The following DLG2 variants were observed in gnomAD, a reference collection of about 807,000 sequenced individuals.
The protein encoded by DLG2 is disks large homolog 2.
Under a neutral mutation model 132.5 loss-of-function variants are expected in DLG2, and 45 were observed. The observed-to-expected ratio is 0.34, with a 90% CI of 0.27 to 0.44. The LOEUF (loss-of-function observed/expected upper bound fraction) is 0.44. Among genes scored for constraint, DLG2 ranks in the 20% least tolerant of loss-of-function variants. The pLI is 1.00. For synonymous variants in DLG2, 424 were observed against 419.6 expected, an observed-to-expected ratio of 1.01 and a Z score of -0.13; for missense variants, 1,045 against 1,196.9, an observed-to-expected ratio of 0.87 and a Z score of 1.87.
At chr11:84,044,763 C>T (rs1402154037) in intron 11 of DLG2, among the ~76,000 whole-genome samples, 1 of 151,720 alleles carries the variant, frequency 6.6e-6, no homozygotes, top group Non-Finnish European at 1.5e-5. Flanking sequence ...GTTTCAACTA[C>T]TCTTTGAAAA....
intron 8 of DLG2, among the ~76,000 whole-genome samples, chr11:84,239,560 T>A (rs1390715270): frequency 1.3e-5 from 2 of 152,086 alleles, no homozygotes; most frequent in African/African-American, 4.8e-5. Flanking sequence ...TAGAGAGGAA[T>A]ATGGTAAATA....
intron 9 of DLG2, among the ~76,000 whole-genome samples, chr11:84,138,153 T>C (rs981266660): frequency 6.6e-6 from 1 of 152,212 alleles, no homozygotes; most frequent in African/African-American, 2.4e-5. Context: ...AATCTTATAC[T>C]AGTTACTTAA....
At chr11:83,460,999 GTTTTTTTTTTTTTTT>G (rs10591072) in intron 27 of DLG2, among the ~76,000 whole-genome samples, 1 of 107,072 alleles carries the variant, frequency 9.3e-6, no homozygotes, top group Non-Finnish European at 1.9e-5. Context: ...AAGTTCTTGG[GTTTTTTTTTTTTTTT>G]TTTTTTTTTT....
chr11:85,190,719 A>T (rs2080458928), intron 4 of DLG2, among the ~76,000 whole-genome samples: 1 of 151,502 alleles, frequency 6.6e-6, no homozygotes, highest in South Asian at 2.1e-4. Context: ...TCTGTTATGA[A>T]CACCCCTATG....
At chr11:83,554,472 C>A (rs631277) in intron 19 of DLG2, among the ~76,000 whole-genome samples, 71,896 of 151,878 alleles carry the variant, frequency 0.47, 17,580 homozygotes, top group Admixed American at 0.57. Flanking sequence ...TGTAAAACTC[C>A]TATATCAGGG....
chr11:85,502,099 T>C (rs1332417886), intron 3 of DLG2, among the ~76,000 whole-genome samples: 3 of 151,338 alleles, frequency 2.0e-5, no homozygotes, highest in African/African-American at 7.3e-5. Flanking sequence ...TAAAAAAGGA[T>C]GAGTTAATGT....
At chr11:85,016,087 A>T (rs2059553875) in intron 6 of DLG2, among the ~76,000 whole-genome samples, 1 of 152,180 alleles carries the variant, frequency 6.6e-6, no homozygotes, top group Admixed American at 6.6e-5. Context: ...CGTCATTGTC[A>T]AATCCCCATG....
intron 11 of DLG2, among the ~76,000 whole-genome samples, chr11:84,033,534 G>T (rs548143589): frequency 6.6e-6 from 1 of 152,316 alleles, no homozygotes; most frequent in Admixed American, 6.5e-5. Flanking sequence ...GTGAAGATGT[G>T]AATATTGTTG....
At chr11:83,515,363 C>T (rs893445249) in intron 21 of DLG2, among the ~76,000 whole-genome samples, 20 of 152,052 alleles carry the variant, frequency 1.3e-4, no homozygotes, top group South Asian at 2.1e-4. Flanking sequence ...TCTGTGGGAT[C>T]GGTGGTGATA....
At chr11:83,694,925 G>T (rs2081616409) in intron 18 of DLG2, among the ~76,000 whole-genome samples, 1 of 152,206 alleles carries the variant, frequency 6.6e-6, no homozygotes, top group South Asian at 2.1e-4. Flanking sequence ...CAGTGGGAAG[G>T]CAGTGGCAAA....
intron 18 of DLG2, among the ~76,000 whole-genome samples, chr11:83,655,354 T>C (rs1315637469): frequency 6.6e-6 from 1 of 152,168 alleles, no homozygotes; most frequent in Non-Finnish European, 1.5e-5. Flanking sequence ...ATTGGAATCA[T>C]TGTGGAGATT....
intron 18 of DLG2, among the ~76,000 whole-genome samples, chr11:83,765,848 T>C (rs892523264): frequency 6.6e-6 from 1 of 152,178 alleles, no homozygotes; most frequent in East Asian, 1.9e-4. Context: ...GGTATTAGAA[T>C]TGCTACCCAA....
rs5793072 is a variant in DLG2 at position 83,564,102 on chromosome 11, GT to G, written c.1941-22245del. On this transcript the variant is annotated intron_variant, in intron 19 of 27. Coordinates refer to ENST00000376104, the MANE Select transcript of DLG2 (RefSeq NM_001142699.3). Reference sequence around the variant, plus strand: ...GTAATATAAACCTAATTTTTCATGTGTTTTTTTTTTTGTTTTCTATGATAAA... The same window carrying G: ...GTAATATAAACCTAATTTTTCATGTGTTTTTTTTTTGTTTTCTATGATAAA... Among the ~76,000 whole-genome samples, 269 of 146,370 alleles carry G rather than the reference GT, an allele frequency of 1.8e-3. 2 individuals are homozygous for G. The highest frequency in any genetic ancestry group is 0.014 in the Middle Eastern group (4 of 284).
chr11:84,714,623 TTCTCTC>T (rs1284319609), intron 6 of DLG2, among the ~76,000 whole-genome samples: 30 of 105,040 alleles, frequency 2.9e-4, no homozygotes, highest in Non-Finnish European at 3.9e-4. Context: ...CTCTTTCTCT[TTCTCTC>T]TCTCTCTCTC....
intron 16 of DLG2, among the ~76,000 whole-genome samples, chr11:83,850,412 C>G (rs1360118182): frequency 6.6e-6 from 1 of 152,140 alleles, no homozygotes; most frequent in South Asian, 2.1e-4. Context: ...CTCTGCCTCC[C>G]AAAGTGCTGG....
At chr11:85,264,935 G>A (rs1160529329) in intron 4 of DLG2, among the ~76,000 whole-genome samples, 1 of 152,164 alleles carries the variant, frequency 6.6e-6, no homozygotes, top group Non-Finnish European at 1.5e-5. Context: ...ATCTGATCCT[G>A]TCTATGATCC....
chr11:85,364,410 A>G (rs1183241722), intron 3 of DLG2, among the ~76,000 whole-genome samples: 1 of 152,192 alleles, frequency 6.6e-6, no homozygotes, highest in East Asian at 1.9e-4. Context: ...CTAATAATTG[A>G]CAGGGATTAG....
At chr11:83,644,000 C>T (rs1005499760) in intron 18 of DLG2, among the ~76,000 whole-genome samples, 2 of 152,124 alleles carry the variant, frequency 1.3e-5, no homozygotes, top group South Asian at 4.1e-4. Flanking sequence ...ATAGATACAT[C>T]TCTATAAGTG....
At chr11:85,356,839 A>T (rs2083738871) in intron 3 of DLG2, among the ~76,000 whole-genome samples, 1 of 151,870 alleles carries the variant, frequency 6.6e-6, no homozygotes, top group Non-Finnish European at 1.5e-5. Context: ...GATGATAGAC[A>T]GACACACACT....
Sources: gnomAD v4.1 joint callset for allele counts (sites outside exome capture counted in the v4.1 genomes callset) on GRCh38, gnomAD v4.1.1 for gene constraint, MANE v1.5 for transcripts, NCBI Gene and HGNC (gene_info 2026-07-23, HGNC 2026-07-21) for gene names.